Variants in ASS1 observed in about 807,000 individuals in gnomAD.
ASS1 encodes the protein argininosuccinate synthase 1.
A neutral mutation model predicts 60.5 loss-of-function variants in ASS1; 58 were observed. That is an observed-to-expected ratio of 0.96 (90% CI 0.78 to 1.19). The LOEUF is 1.19. Ranked by LOEUF, ASS1 falls within the 50% of genes most tolerant of loss-of-function variation. ASS1 has a pLI of 0.00. For missense variants in ASS1, 454 were observed against 547.3 expected (o/e 0.83, Z 1.70); for synonymous variants, 200 against 206.9 (o/e 0.97, Z 0.29).
intron 1 of ASS1, chr9:130,450,266 T>C: frequency 1.0e-6 from 1 of 988,092 alleles, no homozygotes; most frequent in Non-Finnish European, 1.2e-6. Context: ...AGCTCTGCTT[T>C]TGCAGAGTGG....
In ASS1 at chr9:130,462,759, A is replaced by G. The variant is rs77751750; in HGVS notation, c.364-1352A>G. On this transcript the variant is annotated intron_variant, in intron 4 of 14. Transcript: ENST00000352480. ...AGGCAAATGTGGCCGCCCCCACCTC[A>G]GTGTCCTCATCCGTAAGATGGGACT... 3.5e-3 allele frequency among the ~76,000 whole-genome samples: 529 copies of G among 152,280 alleles called. 11 individuals carry two copies. Among genetic ancestry groups the G allele is most frequent in the East Asian group, 0.013 (70 of 5,192 alleles).
intron 1 of ASS1, among the ~76,000 whole-genome samples, chr9:130,451,121 G>A (rs1399984169): frequency 2.0e-5 from 3 of 152,212 alleles, no homozygotes; most frequent in African/African-American, 7.2e-5. Flanking sequence ...CAGGAGGCAT[G>A]TGGGGGAGGG....
In ASS1 at chr9:130,476,914, C is replaced by T; in HGVS notation, c.641C>T (p.Ala214Val). ...PGLYTKTQDP[A>V]KAPNTPDILE... ...CTCTACACGAAGACCCAGGACCCAGCCAAAGCCCCCAACACCCCTGACATT... is the reference window on the plus strand; with the variant it reads ...CTCTACACGAAGACCCAGGACCCAGTCAAAGCCCCCAACACCCCTGACATT... The change falls in exon 9 of 15, where the codon GCC becomes GTC. Residue 214 changes from alanine (A) to valine (V), a missense_variant. Transcript: ENST00000352480. The surrounding 1 kb of genome is among the most constrained non-coding windows in gnomAD (Gnocchi z 4.9). The T allele has an allele frequency of 1.2e-6, 2 of 1,614,138 alleles. No individual in the cohort carries two copies. The highest frequency in any genetic ancestry group is 1.7e-6 in the Non-Finnish European group (2 of 1,180,032).
At chr9:130,474,266 C>T (rs574479622) in intron 8 of ASS1, among the ~76,000 whole-genome samples, 1 of 152,234 alleles carries the variant, frequency 6.6e-6, no homozygotes, top group South Asian at 2.1e-4. Context: ...ATTTAATCGG[C>T]GCTGTCAGGT....
chr9:130,495,886 T>C (rs542265775), intron 13 of ASS1, among the ~76,000 whole-genome samples: 93 of 152,260 alleles, frequency 6.1e-4, no homozygotes, highest in African/African-American at 1.7e-3. Context: ...CGTGAGCAGC[T>C]GGGTGCAGTC....
At chr9:130,452,034 A>G in intron 1 of ASS1, 190 bp from the exon 2 acceptor site, 1 of 689,836 alleles carries the variant, frequency 1.4e-6, no homozygotes, top group Non-Finnish European at 2.7e-6. Flanking sequence ...CTGTGTGCAG[A>G]GTGTGCGAGG....
rs1396858878 is a variant in ASS1 at position 130,491,111 on chromosome 9, G to A, written c.970+1647G>A. On this transcript the variant is annotated intron_variant, in intron 12 of 14. Coordinates refer to ENST00000352480, the MANE Select transcript of ASS1 (RefSeq NM_054012.4). The surrounding 1 kb of genome is among the most constrained non-coding windows in gnomAD (Gnocchi z 5.3). Reference sequence around the variant, plus strand: ...TCATCTCAGGATTTCGAGAGGGCTCGATGGTTATTGGCTGGCGTTATTTCT... The same window carrying A: ...TCATCTCAGGATTTCGAGAGGGCTCAATGGTTATTGGCTGGCGTTATTTCT... Among the ~76,000 whole-genome samples the A allele has an allele frequency of 1.3e-5, 2 of 152,150 alleles. No individual in the cohort carries two copies. Among genetic ancestry groups the A allele is most frequent in the South Asian group, 2.1e-4 (1 of 4,830 alleles).
At chr9:130,495,110 CAT>C in intron 13 of ASS1, 87 bp downstream of exon 13, 1 of 1,470,980 alleles carries the variant, frequency 6.8e-7, no homozygotes, top group Non-Finnish European at 9.2e-7. Context: ...TGCCTGAGCA[CAT>C]GTCAGGCACC....
rs191668957 is a variant in ASS1 at position 130,501,076 on chromosome 9, A to C, written c.*55A>C. On this transcript the variant is annotated 3_prime_UTR_variant, in exon 15 of 15. Transcript: ENST00000352480. The stretch of plus-strand genomic sequence containing the variant: ...CTCAATTTGCAGATCCCCCAAGTAC[A>C]GGCGCTAATTGTTGTGATAATTTGT... 9.4e-4 allele frequency: 1,440 copies of C among 1,535,932 alleles called. 3 individuals carry two copies. The highest frequency in any genetic ancestry group is 1.6e-3 in the Admixed American group (97 of 59,850).
rs1357440068 is a variant in ASS1, at chr9:130,470,306, A to G, written c.496-528A>G. Among the ~76,000 whole-genome samples the G allele has an allele frequency of 6.6e-6, 1 of 152,204 alleles. No homozygotes were observed. Among genetic ancestry groups the G allele is most frequent in the African/African-American group, 2.4e-5 (1 of 41,452 alleles). On this transcript the variant is annotated intron_variant, in intron 6 of 14. Coordinates refer to ENST00000352480, the MANE Select transcript of ASS1 (RefSeq NM_054012.4). This position sits in a 1 kb window ranked among gnomAD's most constrained non-coding sequence, Gnocchi z 4.3. ...TGGGTGTTCCCCTTCTAGGGTCTGC[A>G]GAGTGATGTGTGTGGCTGTTGCGCC...
intron 1 of ASS1, among the ~76,000 whole-genome samples, chr9:130,445,732 AAG>A (rs1845179957): frequency 1.3e-5 from 2 of 152,252 alleles, no homozygotes; most frequent in Admixed American, 1.3e-4. Context: ...GTCATTGTGA[AAG>A]AGAGGAAACT....
intron 1 of ASS1, among the ~76,000 whole-genome samples, chr9:130,447,413 C>T (rs1231151383): frequency 6.6e-6 from 1 of 152,242 alleles, no homozygotes; most frequent in African/African-American, 2.4e-5. Context: ...CCAGCTCTGA[C>T]GTTTTCAAGT....
In ASS1 at chr9:130,470,827, C is replaced by T; in HGVS notation, c.496-7C>T. 1 of 1,614,028 alleles carries T rather than the reference C, an allele frequency of 6.2e-7. No individual in the cohort carries two copies. Among genetic ancestry groups the T allele is most frequent in the Non-Finnish European group, 8.5e-7 (1 of 1,179,934 alleles). ...TTACCTCCACCTGTGCTGTCTCTTT[C>T]CTGCAGCAACACGGGATTCCCATCC... is the stretch of plus-strand genomic sequence containing the variant. On this transcript the variant is annotated splice_region_variant and splice_polypyrimidine_tract_variant and intron_variant, in intron 6 of 14. Transcript: ENST00000352480. The surrounding 1 kb of genome is among the most constrained non-coding windows in gnomAD (Gnocchi z 4.3).
Position 130,488,505 on chromosome 9 carries a change from G to T in ASS1, c.839-828G>T, listed in dbSNP as rs1228643892. Among the ~76,000 whole-genome samples, 1 of 152,218 alleles carries T rather than the reference G, an allele frequency of 6.6e-6. No homozygotes were observed. The highest frequency in any genetic ancestry group is 2.4e-5 in the African/African-American group (1 of 41,446). On this transcript the variant is annotated intron_variant, in intron 11 of 14. Transcript: ENST00000352480. This position sits in a 1 kb window ranked among gnomAD's most constrained non-coding sequence, Gnocchi z 5.2. ...TGCCCCACTGTCCTCCAATGCAGTA[G>T]GACCTTCCCCCAGACCCAGCTCAGC...
chr9:130,451,443 A>G (rs1202598099), intron 1 of ASS1, among the ~76,000 whole-genome samples: 1 of 151,988 alleles, frequency 6.6e-6, no homozygotes, highest in East Asian at 1.9e-4. Flanking sequence ...TTGGTCTCTG[A>G]GCCCCTCCAA....
rs1005618903 is a variant in ASS1 at position 130,476,504 on chromosome 9, G to A, written c.598-367G>A. On this transcript the variant is annotated intron_variant, in intron 8 of 14. Coordinates refer to ENST00000352480, the MANE Select transcript of ASS1 (RefSeq NM_054012.4). The surrounding 1 kb of genome is among the most constrained non-coding windows in gnomAD (Gnocchi z 4.9). Reference sequence around the variant, plus strand: ...GCAGAATAAACCCCAATCCCGAGCCGGCGAGAGCGTGCGTGCCGCTCCTGG... The same window carrying A: ...GCAGAATAAACCCCAATCCCGAGCCAGCGAGAGCGTGCGTGCCGCTCCTGG... 5.4e-5 allele frequency: 22 copies of A among 406,562 alleles called. No individual in the cohort carries two copies. The highest frequency in any genetic ancestry group is 8.1e-5 in the African/African-American group (4 of 49,174). The allele number at this position is 406,562 out of a possible 1,614,324, so 25.2% of individuals were successfully genotyped here.
At chr9:130,445,112 G>A (rs1845164048) in intron 1 of ASS1, 117 bp downstream of exon 1, 1 of 979,736 alleles carries the variant, frequency 1.0e-6, no homozygotes, top group Non-Finnish European at 1.2e-6. Flanking sequence ...GGCAGAGGGC[G>A]GACCCCGATC....
intron 4 of ASS1, among the ~76,000 whole-genome samples, chr9:130,462,022 C>A (rs1295847574): frequency 6.6e-6 from 1 of 152,168 alleles, no homozygotes; most frequent in African/African-American, 2.4e-5. Context: ...CTTCCCAGCA[C>A]CCCGTCCAGA....
chr9:130,481,785 C>T (rs1298946022), intron 11 of ASS1, among the ~76,000 whole-genome samples: 20 of 152,264 alleles, frequency 1.3e-4, no homozygotes, highest in Middle Eastern at 3.4e-3. Context: ...GAAGGGGAGG[C>T]AGGCTCGCCT....
Sources: allele counts gnomAD v4.1 joint callset (sites outside exome capture counted in the v4.1 genomes callset), GRCh38; gene constraint gnomAD v4.1.1; non-coding constraint Gnocchi (gnomAD v3.1); transcripts MANE v1.5; gene names NCBI Gene and HGNC (gene_info 2026-07-23, HGNC 2026-07-21).